QTGAL: variants seen among roughly 807,000 people sequenced by gnomAD.
The protein encoded by QTGAL is queuosine-tRNA galactosyltransferase.
the QTGAL span, chr17:83,006,894 T>G: frequency 2.3e-6 from 2 of 872,710 alleles, no homozygotes; most frequent in Non-Finnish European, 2.7e-6. The surrounding 1 kb of genome is among the most constrained non-coding windows in gnomAD (Gnocchi z 5.8). Context: ...TGTTTAGTTT[T>G]TACAGGAACT....
At chr17:82,956,776 G>A in the QTGAL span, 5 of 1,574,946 alleles carry the variant, frequency 3.2e-6, no homozygotes, top group Non-Finnish European at 4.3e-6. This position sits in a 1 kb window ranked among gnomAD's most constrained non-coding sequence, Gnocchi z 5.7. Context: ...TTTCCTGAGA[G>A]TGACAGTGGC....
At chr17:83,012,642 C>T in the QTGAL span, among the ~76,000 whole-genome samples, 27 of 152,316 alleles carry the variant, frequency 1.8e-4, no homozygotes, top group Admixed American at 8.5e-4. Context: ...GGGCAGCTAA[C>T]GTGGCAGGGA....
the QTGAL span, among the ~76,000 whole-genome samples, chr17:82,974,898 G>C: frequency 6.6e-6 from 1 of 152,096 alleles, no homozygotes; most frequent in Middle Eastern, 3.4e-3. Context: ...CCAGGGGCCG[G>C]AGGCCACTTA....
the QTGAL span, among the ~76,000 whole-genome samples, chr17:83,020,302 G>GAAATT: frequency 7.9e-5 from 12 of 152,176 alleles, no homozygotes; most frequent in Non-Finnish European, 1.8e-4. Flanking sequence ...TGACGGCTAA[G>GAAATT]AAATTTCTGA....
At chr17:83,011,864 A>T in the QTGAL span, among the ~76,000 whole-genome samples, 3 of 152,240 alleles carry the variant, frequency 2.0e-5, no homozygotes, top group East Asian at 5.8e-4. Flanking sequence ...CCTGTGGGGA[A>T]TCCCAGCTCG....
At chr17:83,010,102 T>TG in the QTGAL span, among the ~76,000 whole-genome samples, 34 of 4,932 alleles carry the variant, frequency 6.9e-3, 1 homozygote, top group South Asian at 0.049. Flanking sequence ...GACCCTGGTG[T>TG]GGGGGGGGCT....
At chr17:83,008,593 C>A in the QTGAL span, among the ~76,000 whole-genome samples, 1 of 152,208 alleles carries the variant, frequency 6.6e-6, no homozygotes, top group African/African-American at 2.4e-5. Flanking sequence ...TGCGCTCCCT[C>A]CCCTCAAATC....
At chr17:82,969,127 A>G in the QTGAL span, among the ~76,000 whole-genome samples, 1 of 108,210 alleles carries the variant, frequency 9.2e-6, no homozygotes, top group African/African-American at 2.9e-5. Flanking sequence ...GCAAGACTCC[A>G]TTTCAGGAAA....
the QTGAL span, among the ~76,000 whole-genome samples, chr17:82,999,227 T>A: frequency 6.7e-6 from 1 of 148,690 alleles, no homozygotes; most frequent in African/African-American, 2.6e-5. Flanking sequence ...GGCTTGTACA[T>A]ATGTTCACTG....
At chr17:83,015,191 AG>A in the QTGAL span, among the ~76,000 whole-genome samples, 7 of 135,806 alleles carry the variant, frequency 5.2e-5, 1 homozygote, top group South Asian at 2.5e-4. This position sits in a 1 kb window ranked among gnomAD's most constrained non-coding sequence, Gnocchi z 4.4. Flanking sequence ...ACCACTGTGG[AG>A]GGGGACCATC....
chr17:82,957,844 C>T, the QTGAL span, among the ~76,000 whole-genome samples: 1 of 152,174 alleles, frequency 6.6e-6, no homozygotes, highest in Non-Finnish European at 1.5e-5. Context: ...TCCATAAGGA[C>T]ACATGCAACC....
chr17:83,005,988 TG>T, the QTGAL span: 1 of 1,091,560 alleles, frequency 9.2e-7, no homozygotes. The surrounding 1 kb of genome is among the most constrained non-coding windows in gnomAD (Gnocchi z 5.6). Context: ...CACCTTGCAG[TG>T]GGAGGAGCTG....
the QTGAL span, among the ~76,000 whole-genome samples, chr17:83,015,750 G>C: frequency 6.6e-6 from 1 of 152,194 alleles, no homozygotes; most frequent in Non-Finnish European, 1.5e-5. This position sits in a 1 kb window ranked among gnomAD's most constrained non-coding sequence, Gnocchi z 4.4. Flanking sequence ...ACCCTCACAG[G>C]AGCGCAAACC....
the QTGAL span, chr17:82,942,270 G>C: frequency 1.3e-6 from 1 of 791,658 alleles, no homozygotes; most frequent in East Asian, 2.7e-5. Context: ...GGACACGTTA[G>C]TCATGAGCAC....
the QTGAL span, among the ~76,000 whole-genome samples, chr17:82,950,782 T>C: frequency 1.3e-5 from 2 of 152,194 alleles, no homozygotes; most frequent in African/African-American, 2.4e-5. Flanking sequence ...GCACCGTCAA[T>C]GAGCAGTCGT....
the QTGAL span, among the ~76,000 whole-genome samples, chr17:83,047,237 G>C: frequency 2.0e-4 from 31 of 152,290 alleles, no homozygotes; most frequent in African/African-American, 7.0e-4. Flanking sequence ...GGAGGGGTGA[G>C]GGAGCTCTGA....
chr17:83,004,640 C>T, the QTGAL span, among the ~76,000 whole-genome samples: 2 of 145,366 alleles, frequency 1.4e-5, no homozygotes, highest in South Asian at 2.2e-4. Context: ...CTCCGCACTC[C>T]GCGTGTGGGA....
the QTGAL span, among the ~76,000 whole-genome samples, chr17:83,039,517 GCCGCCCGCCC>G: frequency 9.5e-6 from 1 of 105,216 alleles, no homozygotes; most frequent in African/African-American, 3.5e-5. Flanking sequence ...CTGGGCGCCC[GCCGCCCGCCC>G]CTGTTCTAGA....
At chr17:83,046,243 C>G in the QTGAL span, among the ~76,000 whole-genome samples, 1 of 152,164 alleles carries the variant, frequency 6.6e-6, no homozygotes, top group African/African-American at 2.4e-5. Context: ...GATTCTCCTG[C>G]CTCAGCCTCC....
Sources: allele counts gnomAD v4.1 joint callset (sites outside exome capture counted in the v4.1 genomes callset), GRCh38; gene constraint gnomAD v4.1.1; non-coding constraint Gnocchi (gnomAD v3.1); transcripts MANE v1.5; gene names NCBI Gene and HGNC (gene_info 2026-07-23, HGNC 2026-07-21).